The following KIAA2012 variants were observed in gnomAD, a reference collection of about 807,000 sequenced individuals.
KIAA2012 encodes uncharacterized protein KIAA2012.
KIAA2012 carries 125 observed loss-of-function variants against 150.6 expected under a neutral mutation model. The observed-to-expected ratio is 0.83, with a 90% CI of 0.72 to 0.96. The LOEUF is 0.96. Ranked by LOEUF, KIAA2012 falls within the 40% of genes least tolerant of loss-of-function variation. The pLI is 0.00. For synonymous variants in KIAA2012, 462 were observed against 504.7 expected, an observed-to-expected ratio of 0.92 and a Z score of 1.13; for missense variants, 1,219 against 1,354.9, an observed-to-expected ratio of 0.90 and a Z score of 1.57.
intron 15 of KIAA2012, among the ~76,000 whole-genome samples, chr2:202,182,707 C>T (rs1040588387): frequency 1.4e-4 from 21 of 152,088 alleles, no homozygotes; most frequent in African/African-American, 3.1e-4. Context: ...TTGGATGGTA[C>T]GGCAGGTATA....
At chr2:202,175,927 C>T (rs921880463) in intron 15 of KIAA2012, among the ~76,000 whole-genome samples, 2 of 152,028 alleles carry the variant, frequency 1.3e-5, no homozygotes, top group African/African-American at 2.4e-5. Context: ...TAAATGTGCC[C>T]ACATATGGAA....
intron 15 of KIAA2012, chr2:202,179,916 AAGTTGG>A (rs2105736878): frequency 1.3e-6 from 1 of 754,990 alleles, no homozygotes; most frequent in African/African-American, 1.7e-5. Context: ...GATAACATAG[AAGTTGG>A]AATCTTCAAC....
chr2:202,074,742 T>A (rs1014626926), intron 1 of KIAA2012, 149 bp from the exon 2 acceptor site: 13 of 785,316 alleles, frequency 1.7e-5, no homozygotes, highest in Non-Finnish European at 2.2e-5. Context: ...AGGCAGTTGC[T>A]AAGAAGAGCA....
chr2:202,125,475 G>C (rs1690760601), intron 12 of KIAA2012, among the ~76,000 whole-genome samples, 193 bp downstream of exon 12: 1 of 152,194 alleles, frequency 6.6e-6, no homozygotes, highest in Non-Finnish European at 1.5e-5. Context: ...CAGCCCCGTG[G>C]TCTGAGTGTA....
At chr2:202,182,708 G>A (rs10174937) in intron 15 of KIAA2012, among the ~76,000 whole-genome samples, 46,584 of 151,894 alleles carry the variant, frequency 0.31, 7,249 homozygotes, top group South Asian at 0.36. Context: ...TGGATGGTAC[G>A]GCAGGTATAT....
In KIAA2012 at chr2:202,186,933, G is replaced by C; in HGVS notation, c.2211G>C (p.Val737=). Residue 737 remains valine, a splice_region_variant and synonymous_variant, in exon 17 of 24, where the codon GTG becomes GTC. Transcript: ENST00000498697. ...QTPEADIVQK[V]GRDYDVHHLH... ...TCCTGTTGGTTTGCTCTTTTCAAAG[G>C]GGCAGAGATTATGATGTACACCACC... The C allele has an allele frequency of 1.3e-6, 2 of 1,550,060 alleles. No individual in the cohort carries two copies. The highest frequency in any genetic ancestry group is 8.7e-7 in the Non-Finnish European group (1 of 1,146,784).
At chr2:202,090,974 C>A in intron 3 of KIAA2012, 45 bp downstream of exon 3, 1 of 1,507,118 alleles carries the variant, frequency 6.6e-7, no homozygotes, top group African/African-American at 1.4e-5. Context: ...ACTGCCCCAC[C>A]TCCCATTCTG....
chr2:202,088,423 C>T (rs1332378256), intron 2 of KIAA2012, among the ~76,000 whole-genome samples: 2 of 152,204 alleles, frequency 1.3e-5, no homozygotes, highest in Non-Finnish European at 2.9e-5. Flanking sequence ...ACTGAGGACA[C>T]TGAGTAAAAT....
Position 202,186,578 on chromosome 2 carries a change from A to ATG in KIAA2012, c.2211-355_2211-354insTG, listed in dbSNP as rs370342628. 6.1e-3 allele frequency among the ~76,000 whole-genome samples: 923 copies of ATG among 152,336 alleles called. 6 individuals carry two copies. Among genetic ancestry groups the ATG allele is most frequent in the African/African-American group, 0.021 (864 of 41,584 alleles). On this transcript the variant is annotated intron_variant, in intron 16 of 23. Transcript: ENST00000498697. ...GAATGGATAGTTACATGTTCCTAAC[A>ATG]CAATCTTTCTTAAAGGTCACTTTCT...
At chr2:202,120,329 T>C (rs573859454) in intron 11 of KIAA2012, among the ~76,000 whole-genome samples, 43 of 152,224 alleles carry the variant, frequency 2.8e-4, no homozygotes, top group Admixed American at 2.4e-3. Flanking sequence ...TGAGCCATGA[T>C]TGCACCACTG....
At position 202,182,804 on chromosome 2, in the gene KIAA2012, G is replaced by GTTCCAC. The variant is rs1692148833; in HGVS notation, c.2120-1945_2120-1944insACTTCC. Among the ~76,000 whole-genome samples the GTTCCAC allele has an allele frequency of 2.0e-5, 3 of 152,150 alleles. No individual in the cohort carries two copies. In the South Asian group the frequency reaches 6.2e-4, roughly 32 times the overall value. ...CAAACAGCAGTAGATGAGAGTTCCA[G>GTTCCAC]TTCCTCCACATCCTTGTCAAATCTC... On this transcript the variant is annotated intron_variant, in intron 15 of 23. Transcript: ENST00000498697.
At chr2:202,184,657 C>A in intron 15 of KIAA2012, 96 bp from the exon 16 acceptor site, 1 of 778,148 alleles carries the variant, frequency 1.3e-6, no homozygotes, top group Non-Finnish European at 2.0e-6. Flanking sequence ...ATTTGCATGC[C>A]TTTGGCTACT....
intron 4 of KIAA2012, among the ~76,000 whole-genome samples, chr2:202,094,369 T>C (rs1397580138): frequency 2.6e-5 from 4 of 152,176 alleles, no homozygotes; most frequent in Non-Finnish European, 1.5e-5. Context: ...TCAGGATAAG[T>C]AGAGAATCTG....
At chr2:202,129,068 C>T (rs62195617) in intron 12 of KIAA2012, among the ~76,000 whole-genome samples, 20,091 of 151,764 alleles carry the variant, frequency 0.13, 1,668 homozygotes, top group Non-Finnish European at 0.17. Flanking sequence ...AAGCCAAGAT[C>T]GCACCATTGC....
chr2:202,094,815 G>A (rs529542597), intron 4 of KIAA2012, among the ~76,000 whole-genome samples: 14 of 152,178 alleles, frequency 9.2e-5, no homozygotes, highest in Middle Eastern at 3.4e-3. Context: ...CACCGCTCTC[G>A]GCCTCAGGGC....
chr2:202,128,787 TC>T (rs994474885), intron 12 of KIAA2012, among the ~76,000 whole-genome samples: 1 of 151,722 alleles, frequency 6.6e-6, no homozygotes, highest in Non-Finnish European at 1.5e-5. Flanking sequence ...GAAAATGCAT[TC>T]CACATATAAG....
At chr2:202,117,102 G>C (rs1189504853) in intron 11 of KIAA2012, 1 of 152,224 alleles carries the variant, frequency 6.6e-6, no homozygotes, top group Admixed American at 6.5e-5. Flanking sequence ...CTCACAAAAG[G>C]CTGCACCAGA....
chr2:202,149,565 CAGTG>C (rs1691380841), intron 13 of KIAA2012, among the ~76,000 whole-genome samples: 2 of 152,222 alleles, frequency 1.3e-5, no homozygotes, highest in South Asian at 4.1e-4. Flanking sequence ...GGGAGTTAGA[CAGTG>C]AGAGTGTTGC....
intron 10 of KIAA2012, among the ~76,000 whole-genome samples, chr2:202,112,440 C>A (rs1005909694): frequency 6.6e-6 from 1 of 152,186 alleles, no homozygotes; most frequent in Non-Finnish European, 1.5e-5. Flanking sequence ...GTAAGCGTTT[C>A]CCTGAGTTCT....
Sources: gnomAD v4.1 joint callset for allele counts (sites outside exome capture counted in the v4.1 genomes callset) on GRCh38, gnomAD v4.1.1 for gene constraint, MANE v1.5 for transcripts, NCBI Gene and HGNC (gene_info 2026-07-23, HGNC 2026-07-21) for gene names.